Variants in LRMDA observed in about 807,000 individuals in gnomAD.
LRMDA encodes leucine-rich melanocyte differentiation-associated protein.
LRMDA carries 18 observed loss-of-function variants against 29.8 expected under a neutral mutation model. The ratio of observed to expected loss-of-function variants is 0.60; its 90% CI spans 0.42 to 0.90. LRMDA has a LOEUF of 0.90. LRMDA is among the 40% of genes least tolerant of loss of function. LRMDA has a pLI of 0.00. For missense variants in LRMDA, 273 were observed against 273.9 expected, an observed-to-expected ratio of 1.00 and a Z score of 0.02; for synonymous variants, 125 against 109.4, an observed-to-expected ratio of 1.14 and a Z score of -0.89.
chr10:75,611,876 C>A (rs1462426323), intron 2 of LRMDA, among the ~76,000 whole-genome samples: 1 of 152,194 alleles, frequency 6.6e-6, no homozygotes, highest in African/African-American at 2.4e-5. Flanking sequence ...GTGTATCAGG[C>A]CTGCAAAAGG....
chr10:75,727,599 A>G (rs891553656), intron 2 of LRMDA, among the ~76,000 whole-genome samples: 1 of 152,244 alleles, frequency 6.6e-6, no homozygotes, highest in Non-Finnish European at 1.5e-5. Context: ...TATTTTAACC[A>G]GTAACCATGT....
intron 2 of LRMDA, among the ~76,000 whole-genome samples, chr10:75,676,215 T>C (rs961662921): frequency 6.6e-6 from 1 of 152,212 alleles, no homozygotes; most frequent in Non-Finnish European, 1.5e-5. Context: ...AACACTTGGC[T>C]TGAGGAAGGT....
chr10:75,778,443 G>A (rs1263324696), intron 2 of LRMDA, among the ~76,000 whole-genome samples: 3 of 152,066 alleles, frequency 2.0e-5, no homozygotes, highest in African/African-American at 7.3e-5. Context: ...AGTATTCCTA[G>A]CTCACTGATA....
chr10:76,533,202 T>C (rs949375287), intron 6 of LRMDA, among the ~76,000 whole-genome samples: 1 of 152,158 alleles, frequency 6.6e-6, no homozygotes, highest in Non-Finnish European at 1.5e-5. Context: ...AAAGTGTAAC[T>C]ATTAGTTTCA....
intron 5 of LRMDA, among the ~76,000 whole-genome samples, chr10:76,150,370 G>A (rs1850416865): frequency 6.6e-6 from 1 of 152,182 alleles, no homozygotes. Flanking sequence ...ACCTCACAAA[G>A]GGGGCCTGAA....
chr10:75,456,819 G>C (rs1419031080), intron 2 of LRMDA, among the ~76,000 whole-genome samples: 2 of 152,174 alleles, frequency 1.3e-5, no homozygotes, highest in Non-Finnish European at 2.9e-5. Context: ...GGGATTACAG[G>C]TGCGTGCCAC....
At position 76,558,424 on chromosome 10, in the gene LRMDA, A is replaced by C. The variant is rs889718103; in HGVS notation, c.*1136A>C. On this transcript the variant is annotated 3_prime_UTR_variant, in exon 7 of 7. Coordinates refer to ENST00000611255, the MANE Select transcript of LRMDA (RefSeq NM_001305581.2). The stretch of plus-strand genomic sequence containing the variant: ...TGTCTTCCTGTATGCTTGGCTGTGC[A>C]CTAGCACTAATGTCACAAGGAACAT... 2 of 152,232 alleles carry C rather than the reference A, an allele frequency of 1.3e-5. No homozygotes were observed. Among genetic ancestry groups the C allele is most frequent in the Admixed American group, 6.5e-5 (1 of 15,284 alleles). The allele number at this position is 152,232 out of a possible 1,614,324, so 9.4% of individuals were successfully genotyped here. A position where few individuals can be genotyped will look rare whatever the true frequency, so the allele number is the denominator to read the frequency against.
intron 2 of LRMDA, among the ~76,000 whole-genome samples, chr10:75,925,608 G>GATGGTGGCGGTGGTGGTGGTA: frequency 1.3e-5 from 2 of 149,114 alleles, no homozygotes; most frequent in African/African-American, 4.9e-5. Flanking sequence ...GGAAGAAGGT[G>GATGGTGGCGGTGGTGGTGGTA]ATGGTGGCAG....
At chr10:76,063,410 C>T (rs559190621) in intron 5 of LRMDA, among the ~76,000 whole-genome samples, 38 of 152,174 alleles carry the variant, frequency 2.5e-4, no homozygotes, top group Non-Finnish European at 5.1e-4. Flanking sequence ...GGTATGTGTA[C>T]ACCAGAGTCA....
intron 5 of LRMDA, among the ~76,000 whole-genome samples, chr10:76,300,327 T>C (rs909610886): frequency 2.0e-5 from 3 of 152,208 alleles, no homozygotes; most frequent in African/African-American, 7.2e-5. Flanking sequence ...CTCTGGGTTG[T>C]TGGCACAAAA....
At chr10:76,414,572 A>G (rs1334678257) in intron 6 of LRMDA, among the ~76,000 whole-genome samples, 1 of 152,220 alleles carries the variant, frequency 6.6e-6, no homozygotes, top group Non-Finnish European at 1.5e-5. Context: ...AAGGGAAAGA[A>G]TAATGTTGAC....
In LRMDA at chr10:76,557,380, C is replaced by T. The variant is rs557002077; in HGVS notation, c.*92C>T. On this transcript the variant is annotated 3_prime_UTR_variant, in exon 7 of 7. Coordinates refer to ENST00000611255, the MANE Select transcript of LRMDA (RefSeq NM_001305581.2). ...AAAACGCTAAAGAAAAAACAATAGC[C>T]CACATTGCCTCTCTTTGGGAAAAGC... 1.9e-5 allele frequency: 19 copies of T among 1,023,602 alleles called. No homozygotes were observed. In the East Asian group the frequency reaches 4.4e-4, roughly 24 times the overall value. The allele number at this position is 1,023,602 out of a possible 1,614,324, so 63.4% of individuals were successfully genotyped here.
chr10:75,701,557 A>C (rs973159641), intron 2 of LRMDA, among the ~76,000 whole-genome samples: 1 of 152,246 alleles, frequency 6.6e-6, no homozygotes, highest in East Asian at 1.9e-4. Flanking sequence ...TGACAGATCA[A>C]ATAATGACAG....
At chr10:75,528,936 C>T (rs1845444936) in intron 2 of LRMDA, among the ~76,000 whole-genome samples, 1 of 151,942 alleles carries the variant, frequency 6.6e-6, no homozygotes, top group Non-Finnish European at 1.5e-5. Flanking sequence ...AAATTCAACA[C>T]ATGAAATGAA....
chr10:75,442,244 T>C (rs1165954978), intron 2 of LRMDA, among the ~76,000 whole-genome samples: 1 of 152,212 alleles, frequency 6.6e-6, no homozygotes, highest in South Asian at 2.1e-4. Context: ...ACATATCCCT[T>C]ACTTCACACA....
chr10:75,590,300 T>G lies in LRMDA; in HGVS notation c.131+151806T>G, dbSNP rs368390935. Among the ~76,000 whole-genome samples, 9 of 152,320 alleles carry G rather than the reference T, an allele frequency of 5.9e-5. No homozygotes were observed. The East Asian group carries it at 7.7e-4, about 13-fold the overall frequency. On this transcript the variant is annotated intron_variant, in intron 2 of 6. Transcript: ENST00000611255. The stretch of plus-strand genomic sequence containing the variant: ...TCCCAAAGTTCTGGGATTACAGGCA[T>G]GAGCCACCACACCCAGCCGGAAGCT...
At chr10:75,504,706 G>T (rs998639023) in intron 2 of LRMDA, among the ~76,000 whole-genome samples, 1 of 152,120 alleles carries the variant, frequency 6.6e-6, no homozygotes, top group Non-Finnish European at 1.5e-5. Context: ...AGGCCTTGTG[G>T]GAGGAGAAAG....
At chr10:76,525,774 C>T (rs1182630397) in intron 6 of LRMDA, among the ~76,000 whole-genome samples, 1 of 151,990 alleles carries the variant, frequency 6.6e-6, no homozygotes. Context: ...TTTATAGAGG[C>T]AAAAACTGAT....
At chr10:75,642,487 A>G (rs1160316075) in intron 2 of LRMDA, 3 of 152,106 alleles carry the variant, frequency 2.0e-5, no homozygotes, top group African/African-American at 7.2e-5. Context: ...AATGTCAGTG[A>G]CTGTTGGGTA....
Sources: gnomAD v4.1 joint callset for allele counts (sites outside exome capture counted in the v4.1 genomes callset) on GRCh38, gnomAD v4.1.1 for gene constraint, MANE v1.5 for transcripts, NCBI Gene and HGNC (gene_info 2026-07-23, HGNC 2026-07-21) for gene names.